The following LNX1 variants were observed in gnomAD, a reference collection of about 807,000 sequenced individuals.
LNX1 encodes the protein ligand of numb-protein X 1, also known as E3 ubiquitin-protein ligase LNX.
LNX1 carries 54 observed loss-of-function variants against 68.4 expected under a neutral mutation model. That is an observed-to-expected ratio of 0.79 (90% CI 0.63 to 0.99). The LOEUF is 0.99. Ranked by LOEUF, LNX1 falls within the 50% of genes least tolerant of loss-of-function variation. The pLI is 0.00. For missense variants in LNX1, 906 were observed against 926.4 expected (o/e 0.98, Z 0.29); for synonymous variants, 336 against 350.0 (o/e 0.96, Z 0.45).
chr4:53,564,796 G>A (rs576736120), intron 2 of LNX1, among the ~76,000 whole-genome samples: 9 of 152,294 alleles, frequency 5.9e-5, no homozygotes, highest in East Asian at 3.9e-4. Context: ...CGCACCCTGC[G>A]CCAGCCGAAG....
intron 6 of LNX1, among the ~76,000 whole-genome samples, chr4:53,493,121 C>T (rs1329309584): frequency 2.0e-5 from 3 of 152,162 alleles, no homozygotes; most frequent in Non-Finnish European, 4.4e-5. Flanking sequence ...AGGTGCCTGC[C>T]ACCACACCCA....
Position 53,460,802 on chromosome 4 carries a change from C to T in LNX1, c.*105G>A. 1.8e-6 allele frequency: 2 copies of T among 1,126,704 alleles called. No individual in the cohort carries two copies. The highest frequency in any genetic ancestry group is 2.6e-5 in the Admixed American group (1 of 38,050). 69.8% of individuals were successfully genotyped at this position (1,126,704 alleles called of 1,614,324 possible). On this transcript the variant is annotated 3_prime_UTR_variant, in exon 11 of 11. Transcript: ENST00000263925. ...GATCATACTTTTCCTGACATTTTTA[C>T]AATGTATTCTTTCTTTAAATATAAA... is the stretch of plus-strand genomic sequence containing the variant.
intron 2 of LNX1, among the ~76,000 whole-genome samples, chr4:53,523,695 G>C (rs1232972946): frequency 6.6e-6 from 1 of 152,140 alleles, no homozygotes; most frequent in Non-Finnish European, 1.5e-5. Context: ...AGGTACATTT[G>C]GAAATACAGT....
chr4:53,493,762 G>A (rs1245438839), intron 6 of LNX1, among the ~76,000 whole-genome samples: 1 of 152,228 alleles, frequency 6.6e-6, no homozygotes, highest in African/African-American at 2.4e-5. Context: ...GAAGACTTCA[G>A]TCACTAAGTG....
chr4:53,561,000 ATCCTT>A (rs1374830721), intron 2 of LNX1, among the ~76,000 whole-genome samples: 6 of 152,196 alleles, frequency 3.9e-5, no homozygotes, highest in Admixed American at 6.5e-5. Flanking sequence ...TGTCCTGTTT[ATCCTT>A]AAATGTTATC....
intron 4 of LNX1, among the ~76,000 whole-genome samples, chr4:53,506,783 G>A (rs1055871933): frequency 4.0e-5 from 6 of 148,268 alleles, no homozygotes; most frequent in African/African-American, 1.5e-4. Flanking sequence ...TTGAACCCAG[G>A]AGGCAGAGGT....
intron 2 of LNX1, among the ~76,000 whole-genome samples, chr4:53,517,601 C>T (rs577577256): frequency 2.0e-5 from 3 of 152,216 alleles, no homozygotes; most frequent in East Asian, 3.8e-4. Context: ...TTACGTTCTA[C>T]GTGTCACCTC....
At chr4:53,553,861 A>C (rs753744467) in intron 2 of LNX1, among the ~76,000 whole-genome samples, 1 of 152,194 alleles carries the variant, frequency 6.6e-6, no homozygotes, top group Non-Finnish European at 1.5e-5. Flanking sequence ...TTAAAGAAGG[A>C]AAGGCCCTGG....
At chr4:53,484,561 T>A (rs1257697018) in intron 6 of LNX1, among the ~76,000 whole-genome samples, 4 of 151,056 alleles carry the variant, frequency 2.6e-5, no homozygotes, top group African/African-American at 9.7e-5. Flanking sequence ...AGACTCCATC[T>A]CAAAAAAAGA....
In LNX1 at chr4:53,476,991, A is replaced by G; in HGVS notation, c.1664-10T>C. 3 of 1,609,424 alleles carry G rather than the reference A, an allele frequency of 1.9e-6. No homozygotes were observed. Among genetic ancestry groups the G allele is most frequent in the Non-Finnish European group, 2.6e-6 (3 of 1,176,412 alleles). On this transcript the variant is annotated splice_polypyrimidine_tract_variant and intron_variant, in intron 8 of 10. Coordinates refer to ENST00000263925, the MANE Select transcript of LNX1 (RefSeq NM_001126328.3). ...TTCAACAAAATGTCACCTGATGGCC[A>G]GAGAAGCAGAAGCTATCTTTAGTGA...
At chr4:53,604,624 T>C (rs1260454540) in intron 2 of LNX1, among the ~76,000 whole-genome samples, 1 of 152,258 alleles carries the variant, frequency 6.6e-6, no homozygotes, top group Non-Finnish European at 1.5e-5. Flanking sequence ...ATCTGATATC[T>C]GGAATATTCT....
chr4:53,544,195 T>C (rs1326896020), intron 2 of LNX1, among the ~76,000 whole-genome samples: 1 of 151,214 alleles, frequency 6.6e-6, no homozygotes, highest in Non-Finnish European at 1.5e-5. Flanking sequence ...GATTTCTCTC[T>C]CTCTCTCTCT....
At chr4:53,547,815 G>A (rs2109685145) in intron 2 of LNX1, among the ~76,000 whole-genome samples, 1 of 152,252 alleles carries the variant, frequency 6.6e-6, no homozygotes, top group Non-Finnish European at 1.5e-5. Context: ...AAAGGAAGGT[G>A]AATTTGGTAC....
rs187268762 is a variant in LNX1, at chr4:53,650,353, C to A, written c.-215+1815G>T. 2.0e-3 allele frequency among the ~76,000 whole-genome samples: 303 copies of A among 152,308 alleles called. 2 individuals carry two copies. Among genetic ancestry groups the A allele is most frequent in the Non-Finnish European group, 2.5e-3 (173 of 68,020 alleles). On this transcript the variant is annotated intron_variant, in intron 1 of 2. Transcript: ENST00000507168. ...CCAGAACAAAGTGTCAGGGCCTAAGCAGGGTGCGGAGGGCATCTGCATGGG... is the reference window on the plus strand; with the variant it reads ...CCAGAACAAAGTGTCAGGGCCTAAGAAGGGTGCGGAGGGCATCTGCATGGG...
rs572694542 is a variant in LNX1 at position 53,573,703 on chromosome 4, C to T, written c.300G>A (p.Lys100=). The T allele has an allele frequency of 1.3e-4, 209 of 1,610,720 alleles. 3 individuals are homozygous for T. In the South Asian group the frequency reaches 2.1e-3, roughly 16 times the overall value. Residue 100 remains lysine (K), a synonymous_variant, in exon 2 of 11, where the codon AAG becomes AAA. Coordinates refer to ENST00000263925, the MANE Select transcript of LNX1 (RefSeq NM_001126328.3). ...CCCTGAATGGGCAGGTCACCAGTAG[C>T]TTGTTGAGGAGTTTGTTGACCAGGA... is the stretch of plus-strand genomic sequence containing the variant. ...SSILVNKLLN[K]LLVTCPFREH...
chr4:53,551,526 C>A (rs1369280267), intron 2 of LNX1, among the ~76,000 whole-genome samples: 1 of 152,086 alleles, frequency 6.6e-6, no homozygotes, highest in Non-Finnish European at 1.5e-5. Flanking sequence ...GAGAAAAAGC[C>A]CTCAAGTGAG....
intron 1 of LNX1, among the ~76,000 whole-genome samples, chr4:53,574,326 T>C (rs894272427): frequency 6.6e-6 from 1 of 152,208 alleles, no homozygotes; most frequent in Non-Finnish European, 1.5e-5. Context: ...CATCCTCACA[T>C]TGGTGTGGTA....
intron 1 of LNX1, among the ~76,000 whole-genome samples, chr4:53,587,575 G>T (rs1252669425): frequency 6.6e-6 from 1 of 152,182 alleles, no homozygotes; most frequent in African/African-American, 2.4e-5. Context: ...ACACTTTAGA[G>T]CATCTCTTAT....
At chr4:53,599,314 G>A (rs1240603936) in intron 2 of LNX1, among the ~76,000 whole-genome samples, 1 of 152,218 alleles carries the variant, frequency 6.6e-6, no homozygotes, top group Non-Finnish European at 1.5e-5. Flanking sequence ...AGATGGCTAT[G>A]TGAGTAACCT....
Sources: allele counts gnomAD v4.1 joint callset (sites outside exome capture counted in the v4.1 genomes callset), GRCh38; gene constraint gnomAD v4.1.1; transcripts MANE v1.5; gene names NCBI Gene and HGNC (gene_info 2026-07-23, HGNC 2026-07-21).